The following TMEM14C variants were observed in gnomAD, a reference collection of about 807,000 sequenced individuals.
TMEM14C encodes the protein chromosome 6 open reading frame 53.
A neutral mutation model predicts 14.8 loss-of-function variants in TMEM14C; 13 were observed. The observed-to-expected ratio is 0.88, with a 90% CI of 0.57 to 1.40. The LOEUF is 1.40. TMEM14C is among the 40% of genes most tolerant of loss of function. The pLI is 0.00. For synonymous variants in TMEM14C, 57 were observed against 51.3 expected (o/e 1.11, Z -0.48); for missense variants, 142 against 138.8 (o/e 1.02, Z -0.12).
At chr6:10,729,687 A>C (rs566348377) in intron 5 of TMEM14C, among the ~76,000 whole-genome samples, 1 of 152,284 alleles carries the variant, frequency 6.6e-6, no homozygotes, top group South Asian at 2.1e-4. Context: ...TGGGGCAGGG[A>C]GAATTGCTTC....
chr6:10,724,585 A>G lies in TMEM14C; in HGVS notation c.-29A>G. 6.2e-7 allele frequency: 1 copy of G among 1,612,428 alleles called. No homozygotes were observed. The highest frequency in any genetic ancestry group is 8.5e-7 in the Non-Finnish European group (1 of 1,179,082). ...TTTTCTGCAGGTGCAGGCCTGGGGTAGTCTCCTGTCTGGACAGAGAAGAGA... is the reference window on the plus strand; with the variant it reads ...TTTTCTGCAGGTGCAGGCCTGGGGTGGTCTCCTGTCTGGACAGAGAAGAGA... On this transcript the variant is annotated 5_prime_UTR_variant, in exon 2 of 6. Coordinates refer to ENST00000229563, the MANE Select transcript of TMEM14C (RefSeq NM_016462.4).
In TMEM14C at chr6:10,730,901, A is replaced by G; in HGVS notation, c.*235A>G. 2.6e-6 allele frequency: 3 copies of G among 1,161,448 alleles called. No individual in the cohort carries two copies. Among genetic ancestry groups the G allele is most frequent in the Non-Finnish European group, 3.2e-6 (3 of 941,400 alleles). 71.9% of individuals were successfully genotyped at this position (1,161,448 alleles called of 1,614,324 possible). A position where few individuals can be genotyped will look rare whatever the true frequency, so the allele number is the denominator to read the frequency against. ...CCCTCATAGAGCTTGATTCTTGTAT[A>G]TTGATGTTGTCTTTTCTTTCTGTAT... On this transcript the variant is annotated 3_prime_UTR_variant, in exon 6 of 6. Coordinates refer to ENST00000229563, the MANE Select transcript of TMEM14C (RefSeq NM_016462.4).
intron 4 of TMEM14C, among the ~76,000 whole-genome samples, chr6:10,726,581 T>C (rs535532185): frequency 6.6e-6 from 1 of 152,210 alleles, no homozygotes; most frequent in Admixed American, 6.5e-5. Context: ...TCCCAGCTAC[T>C]TGGGAGGCTG....
chr6:10,725,431 T>A (rs1381810820), intron 3 of TMEM14C, among the ~76,000 whole-genome samples: 1 of 152,214 alleles, frequency 6.6e-6, no homozygotes, highest in Non-Finnish European at 1.5e-5. Flanking sequence ...TGTCAGTGGC[T>A]GTGCTTGTGT....
chr6:10,728,779 C>T (rs1392160336), intron 5 of TMEM14C, 52 bp downstream of exon 5: 4 of 1,612,788 alleles, frequency 2.5e-6, no homozygotes, highest in Admixed American at 3.3e-5. Flanking sequence ...GTTTATTCCC[C>T]AGGATACCTT....
In TMEM14C at chr6:10,724,962, G is replaced by C. The variant is rs1561903860; in HGVS notation, c.22G>C (p.Val8Leu). 6.2e-7 allele frequency: 1 copy of C among 1,614,230 alleles called. No individual in the cohort carries two copies. Among genetic ancestry groups the C allele is most frequent in the Non-Finnish European group, 8.5e-7 (1 of 1,180,044 alleles). The change falls in exon 3 of 6, where the codon GTG (valine) becomes CTG (leucine). Residue 8 changes from valine (V) to leucine (L), a missense_variant and splice_region_variant. Physicochemically the swap from Val to Leu is conservative, Grantham distance 32 (BLOSUM62 1). Transcript: ENST00000229563. MQDTGSV[V>L]PLHWFGFGYA... is the part of the protein sequence containing the mutation. ...GACTTCTCCCTCTTGTGTTTTCAGA[G>C]TGCCTTTGCATTGGTTTGGCTTTGG...
intron 1 of TMEM14C, among the ~76,000 whole-genome samples, chr6:10,723,594 C>CTTTTTTTTT (rs34904534): frequency 5.9e-5 from 7 of 118,678 alleles, no homozygotes; most frequent in Admixed American, 1.9e-4. Flanking sequence ...AAACTTAATT[C>CTTTTTTTTT]TTTTTTTTTT....
intron 4 of TMEM14C, among the ~76,000 whole-genome samples, chr6:10,726,239 C>G (rs1770856171): frequency 6.6e-6 from 1 of 152,172 alleles, no homozygotes; most frequent in African/African-American, 2.4e-5. Flanking sequence ...TAGCTCGTGA[C>G]TATATTTACC....
rs1361754457 is a variant in TMEM14C, at chr6:10,724,569, G to A, written c.-44-1G>A. 1.2e-6 allele frequency: 2 copies of A among 1,610,214 alleles called. No individual in the cohort carries two copies. Among genetic ancestry groups the A allele is most frequent in the Non-Finnish European group, 1.7e-6 (2 of 1,177,488 alleles). ...CCTCTGATCCAGCTTGTTTTCTGCA[G>A]GTGCAGGCCTGGGGTAGTCTCCTGT... On this transcript the variant is annotated splice_acceptor_variant, in intron 1 of 5. Transcript: ENST00000229563. LOFTEE classifies it low-confidence loss of function (5UTR_SPLICE).
chr6:10,725,973 T>G lies in TMEM14C; in HGVS notation c.164T>G (p.Leu55Arg). ...CTAGCCGGCCTGGGTGCTTACCAGC[T>G]GTCTCAGGATCCAAGGAACGTTTGG... ...GSLAGLGAYQ[L>R]SQDPRNVWVF... The change falls in exon 4 of 6, where the codon CTG becomes CGG. Residue 55 changes from leucine to arginine, a missense_variant. Coordinates refer to ENST00000229563, the MANE Select transcript of TMEM14C (RefSeq NM_016462.4). 1 of 1,614,162 alleles carries G rather than the reference T, an allele frequency of 6.2e-7. No individual in the cohort carries two copies. The highest frequency in any genetic ancestry group is 1.1e-5 in the South Asian group (1 of 91,086).
chr6:10,728,981 T>G, intron 5 of TMEM14C: 1 of 769,830 alleles, frequency 1.3e-6, no homozygotes, highest in Non-Finnish European at 2.0e-6. Context: ...CTCCTCCCTA[T>G]ATGGTGGCAG....
Position 10,724,582 on chromosome 6 carries a change from G to C in TMEM14C, c.-32G>C, listed in dbSNP as rs748107483. 1 of 1,612,298 alleles carries C rather than the reference G, an allele frequency of 6.2e-7. No individual in the cohort carries two copies. The highest frequency in any genetic ancestry group is 1.7e-5 in the Admixed American group (1 of 59,624). On this transcript the variant is annotated 5_prime_UTR_variant, in exon 2 of 6. Transcript: ENST00000229563. ...TTGTTTTCTGCAGGTGCAGGCCTGG[G>C]GTAGTCTCCTGTCTGGACAGAGAAG...
At chr6:10,728,514 G>A in intron 4 of TMEM14C, 126 bp from the exon 5 acceptor site, 1 of 1,019,512 alleles carries the variant, frequency 9.8e-7, no homozygotes, top group Non-Finnish European at 1.4e-6. Flanking sequence ...CCCCGACTTG[G>A]GGAAAGAGGA....
chr6:10,725,173 TGTCA>T, intron 3 of TMEM14C, 136 bp downstream of exon 3: 2 of 1,027,964 alleles, frequency 1.9e-6, no homozygotes, highest in African/African-American at 3.2e-5. Flanking sequence ...CAGGCTTCCT[TGTCA>T]GTCTTGCAGC....
rs201310074 is a variant in TMEM14C, at chr6:10,725,011, G to C, written c.71G>C (p.Gly24Ala). The change falls in exon 3 of 6, where the codon GGT becomes GCT. Residue 24 changes from glycine to alanine, a missense_variant. Physicochemically the swap from Gly to Ala is moderately conservative, Grantham distance 60. Coordinates refer to ENST00000229563, the MANE Select transcript of TMEM14C (RefSeq NM_016462.4). ...GGCTACGCAGCACTGGTTGCTTCTG[G>C]TGGGATCATTGGCTATGTAAAAGCA... ...GFGYAALVAS[G>A]GIIGYVKAGS... 1.9e-6 allele frequency: 3 copies of C among 1,614,206 alleles called. No homozygotes were observed. The highest frequency in any genetic ancestry group is 2.5e-6 in the Non-Finnish European group (3 of 1,180,040).
intron 4 of TMEM14C, 76 bp downstream of exon 4, chr6:10,726,084 G>A: frequency 6.5e-7 from 1 of 1,536,502 alleles, no homozygotes; most frequent in South Asian, 1.1e-5. Context: ...TGGTTTGGTG[G>A]GATGGGGTGA....
At chr6:10,727,596 T>C (rs998699116) in intron 4 of TMEM14C, among the ~76,000 whole-genome samples, 4 of 151,702 alleles carry the variant, frequency 2.6e-5, no homozygotes, top group African/African-American at 9.7e-5. Flanking sequence ...CCAAGGAGGG[T>C]GGATTGCCTG....
chr6:10,723,510 C>G (rs1397185679), intron 1 of TMEM14C, among the ~76,000 whole-genome samples: 2 of 152,068 alleles, frequency 1.3e-5, no homozygotes, highest in African/African-American at 4.8e-5. Context: ...TTAAAAGCCT[C>G]CCTTACTCGG....
chr6:10,729,670 G>A (rs995087601), intron 5 of TMEM14C, among the ~76,000 whole-genome samples: 4 of 152,034 alleles, frequency 2.6e-5, no homozygotes, highest in Non-Finnish European at 4.4e-5. Flanking sequence ...CCAGCTACTC[G>A]GAAGGCTGGG....
Sources: gnomAD v4.1 joint callset for allele counts (sites outside exome capture counted in the v4.1 genomes callset) on GRCh38, gnomAD v4.1.1 for gene constraint, MANE v1.5 for transcripts, NCBI Gene and HGNC (gene_info 2026-07-23, HGNC 2026-07-21) for gene names.